TRAF5: variants seen among roughly 807,000 people sequenced by gnomAD.
TRAF5 encodes the protein TNF receptor associated factor 5.
In TRAF5, 48 loss-of-function variants were observed where a neutral mutation model predicts 64.5. The observed-to-expected ratio is 0.74, with a 90% CI of 0.59 to 0.95. The LOEUF (loss-of-function observed/expected upper bound fraction) is 0.95. Ranked by LOEUF, TRAF5 falls within the 40% of genes least tolerant of loss-of-function variation. The pLI, the probability that TRAF5 is intolerant of heterozygous loss-of-function variation, is 0.00. For missense variants in TRAF5, 545 were observed against 662.8 expected, an observed-to-expected ratio of 0.82 and a Z score of 1.95; for synonymous variants, 206 against 240.5, an observed-to-expected ratio of 0.86 and a Z score of 1.33.
chr1:211,358,629 C>G (rs1322252416), intron 4 of TRAF5: 1 of 151,358 alleles, frequency 6.6e-6, no homozygotes. Context: ...GCTCTTCAAC[C>G]CAGGAGGTGG....
intron 1 of TRAF5, among the ~76,000 whole-genome samples, chr1:211,350,894 A>G (rs1281685011): frequency 1.3e-5 from 2 of 152,072 alleles, no homozygotes; most frequent in African/African-American, 4.8e-5. Context: ...TGGCCTCTTT[A>G]GAGAGGAGGT....
rs766300508 is a variant in TRAF5, at chr1:211,372,563, A to C, written c.1535A>C (p.Asp512Ala). 1.1e-5 allele frequency: 17 copies of C among 1,614,054 alleles called. No homozygotes were observed. In the East Asian group the frequency reaches 3.8e-4, roughly 36 times the overall value. ...AATAGCAGCAGCTTTAAAAGACCTGATGGGGAGATGAACATTGCATCTGGC... is the reference window on the plus strand; with the variant it reads ...AATAGCAGCAGCTTTAAAAGACCTGCTGGGGAGATGAACATTGCATCTGGC... ...DPNSSSFKRP[D>A]GEMNIASGCP... Residue 512 changes from aspartate (D) to alanine (A), a missense_variant, in exon 11 of 11, where the codon GAT becomes GCT. Asp to Ala is a moderately radical substitution (Grantham distance 126). Coordinates refer to ENST00000261464, the MANE Select transcript of TRAF5 (RefSeq NM_001033910.3).
Position 211,353,328 on chromosome 1 carries a change from G to T in TRAF5, c.89G>T (p.Ser30Ile), listed in dbSNP as rs1460540845. The T allele has an allele frequency of 1.2e-6, 2 of 1,614,090 alleles. No individual in the cohort carries two copies. The highest frequency in any genetic ancestry group is 1.1e-5 in the South Asian group (1 of 91,086). Residue 30 changes from serine (S) to isoleucine (I), a missense_variant, in exon 2 of 11, where the codon AGT becomes ATT. Ser to Ile is a moderately radical substitution (Grantham distance 142). Coordinates refer to ENST00000261464, the MANE Select transcript of TRAF5 (RefSeq NM_001033910.3). ...GNSISLDFEP[S>I]IEYQFVERLE... The stretch of plus-strand genomic sequence containing the variant: ...TCCATTTCCTTGGACTTTGAGCCCA[G>T]TATAGAGTACCAGTTTGTGGAGCGG...
At chr1:211,360,356 A>G (rs1703134516) in intron 5 of TRAF5, 3 of 496,764 alleles carry the variant, frequency 6.0e-6, no homozygotes, top group Non-Finnish European at 1.1e-5. Flanking sequence ...AATAATGTCT[A>G]CTCTCTGAAT....
intron 1 of TRAF5, among the ~76,000 whole-genome samples, chr1:211,342,351 TTTTTTA>T (rs1430504171): frequency 6.6e-6 from 1 of 152,188 alleles, no homozygotes; most frequent in African/African-American, 2.4e-5. Flanking sequence ...TAAGTCCTAC[TTTTTTA>T]TTTTTATGGG....
intron 1 of TRAF5, among the ~76,000 whole-genome samples, chr1:211,332,564 T>C (rs1282423875): frequency 2.0e-5 from 3 of 152,202 alleles, no homozygotes; most frequent in African/African-American, 7.2e-5. Context: ...GCTGGGTTGA[T>C]ATCTATGATG....
chr1:211,360,575 G>T, intron 5 of TRAF5, 127 bp from the exon 6 acceptor site: 1 of 650,532 alleles, frequency 1.5e-6, no homozygotes, highest in Non-Finnish European at 2.7e-6. Context: ...ATCCTTTTTT[G>T]GAATTAGGCA....
At chr1:211,356,067 C>G (rs899677151) in intron 3 of TRAF5, among the ~76,000 whole-genome samples, 1 of 152,206 alleles carries the variant, frequency 6.6e-6, no homozygotes, top group Non-Finnish European at 1.5e-5. Context: ...CACCCTTGGC[C>G]AAGCTTCACC....
chr1:211,353,627 C>A (rs1033781382), intron 2 of TRAF5, 170 bp downstream of exon 2: 2 of 657,766 alleles, frequency 3.0e-6, no homozygotes, highest in South Asian at 1.9e-5. Context: ...GAAGAATAAT[C>A]ATTTTTTGGT....
intron 1 of TRAF5, among the ~76,000 whole-genome samples, chr1:211,327,345 A>G (rs111813773): frequency 6.6e-6 from 1 of 152,282 alleles, no homozygotes; most frequent in African/African-American, 2.4e-5. Context: ...CACCCTCTCC[A>G]CCTTTGCAGG....
intron 1 of TRAF5, among the ~76,000 whole-genome samples, chr1:211,334,676 A>C (rs1335769253): frequency 6.6e-6 from 1 of 152,100 alleles, no homozygotes; most frequent in Admixed American, 6.5e-5. Flanking sequence ...ACAAACAAAC[A>C]AAACAAAACA....
In TRAF5 at chr1:211,354,474, A is replaced by G. The variant is rs188923838; in HGVS notation, c.276+7A>G. 98 of 1,613,966 alleles carry G rather than the reference A, an allele frequency of 6.1e-5. 1 individual carries two copies. In the Middle Eastern group the frequency reaches 2.1e-3, roughly 35 times the overall value. On this transcript the variant is annotated splice_region_variant and intron_variant, in intron 3 of 10. Coordinates refer to ENST00000261464, the MANE Select transcript of TRAF5 (RefSeq NM_001033910.3). ...GGTCATCAAATCTCAGGAGGTAAGA[A>G]AGTCACTGCTTTTGTCTAGCAGCTC... is the stretch of plus-strand genomic sequence containing the variant.
At chr1:211,336,939 G>A (rs548408937) in intron 1 of TRAF5, among the ~76,000 whole-genome samples, 18 of 152,056 alleles carry the variant, frequency 1.2e-4, no homozygotes, top group South Asian at 6.2e-4. Flanking sequence ...GATTAAAGGC[G>A]TGAGCCGCTG....
In TRAF5 at chr1:211,359,927, T is replaced by C. The variant is rs1456164611; in HGVS notation, c.394T>C (p.Cys132Arg). 5 of 1,613,992 alleles carry C rather than the reference T, an allele frequency of 3.1e-6. No individual in the cohort carries two copies. In the East Asian group the frequency reaches 1.1e-4, roughly 36 times the overall value. The change falls in exon 5 of 11, where the codon TGC (cysteine) becomes CGC (arginine). Residue 132 changes from cysteine (C) to arginine (R), a missense_variant. Physicochemically the swap from Cys to Arg is radical, Grantham distance 180 (BLOSUM62 -3). Transcript: ENST00000261464. Reference sequence around the variant, plus strand: ...TCTGTTGCAGGATCACCTTCAGCAGTGCTTATTTCAACCTGTGCAGTGTTC... The same window carrying C: ...TCTGTTGCAGGATCACCTTCAGCAGCGCTTATTTCAACCTGTGCAGTGTTC... ...LGRYQDHLQQ[C>R]LFQPVQCSNE...
In TRAF5 at chr1:211,335,738, A is replaced by G. The variant is rs1474357709; in HGVS notation, c.-2+8849A>G. ...TGTTTCCGGAAGAGACAACAGCTTG[A>G]GGAAAGGGAGACCCAGCCTTAGGGT... is the stretch of plus-strand genomic sequence containing the variant. On this transcript the variant is annotated intron_variant, in intron 1 of 10. Coordinates refer to ENST00000261464, the MANE Select transcript of TRAF5 (RefSeq NM_001033910.3). Among the ~76,000 whole-genome samples the G allele has an allele frequency of 2.6e-5, 4 of 152,266 alleles. No homozygotes were observed. The East Asian group carries it at 7.7e-4, about 29-fold the overall frequency.
At chr1:211,365,495 A>T in intron 8 of TRAF5, 27 bp downstream of exon 8, 1 of 1,579,444 alleles carries the variant, frequency 6.3e-7, no homozygotes, top group South Asian at 1.1e-5. Context: ...TCAAATAAAA[A>T]GTGAGGCAAC....
At chr1:211,340,320 T>C (rs1702412860) in intron 1 of TRAF5, among the ~76,000 whole-genome samples, 1 of 152,214 alleles carries the variant, frequency 6.6e-6, no homozygotes, top group African/African-American at 2.4e-5. Flanking sequence ...AGTCTTGCTC[T>C]GTCACCCAGG....
At chr1:211,343,317 A>AG (rs1702498001) in intron 1 of TRAF5, among the ~76,000 whole-genome samples, 1 of 152,110 alleles carries the variant, frequency 6.6e-6, no homozygotes, top group South Asian at 2.1e-4. Flanking sequence ...GGAACCTTGG[A>AG]GGGGCAGGGA....
At chr1:211,352,132 T>A (rs1216501510) in intron 1 of TRAF5, among the ~76,000 whole-genome samples, 1 of 152,114 alleles carries the variant, frequency 6.6e-6, no homozygotes, top group East Asian at 1.9e-4. Context: ...TACCCAAGAC[T>A]GGGCAATTTA....
Sources: gnomAD v4.1 joint callset for allele counts (sites outside exome capture counted in the v4.1 genomes callset) on GRCh38, gnomAD v4.1.1 for gene constraint, MANE v1.5 for transcripts, NCBI Gene and HGNC (gene_info 2026-07-23, HGNC 2026-07-21) for gene names.